Variants in NEK7 observed in about 807,000 individuals in gnomAD.
NEK7 encodes the protein NIMA related kinase 7.
In NEK7, 18 loss-of-function variants were observed where a neutral mutation model predicts 44.6. The ratio of observed to expected loss-of-function variants is 0.40; its 90% CI spans 0.28 to 0.60. The LOEUF (loss-of-function observed/expected upper bound fraction) is 0.60, where lower values mean the gene tolerates loss of function less well. NEK7 is among the 20% of genes least tolerant of loss of function. The probability of loss-of-function intolerance (pLI) is 0.38; values close to 1 mark genes in which losing one functional copy is unlikely to be tolerated. For missense variants in NEK7, 256 were observed against 366.5 expected (o/e 0.70, Z 2.46); for synonymous variants, 130 against 121.1 (o/e 1.07, Z -0.48).
intron 1 of NEK7, among the ~76,000 whole-genome samples, chr1:198,194,061 A>G (rs1018832124): frequency 2.0e-5 from 3 of 152,206 alleles, no homozygotes; most frequent in Non-Finnish European, 4.4e-5. Context: ...TTTTATATCT[A>G]GAAAACCCCA....
chr1:198,242,085 C>T (rs1242314696), intron 2 of NEK7, among the ~76,000 whole-genome samples: 1 of 151,988 alleles, frequency 6.6e-6, no homozygotes, highest in African/African-American at 2.4e-5. Flanking sequence ...CTCTCTCTCC[C>T]TCACTCCTCA....
intron 7 of NEK7, among the ~76,000 whole-genome samples, chr1:198,287,432 G>T (rs1333725177): frequency 6.6e-6 from 1 of 152,016 alleles, no homozygotes; most frequent in Non-Finnish European, 1.5e-5. Context: ...AGCTAGAGAG[G>T]TTCTGTGGAA....
chr1:198,168,551 T>G (rs1188663479), intron 1 of NEK7, among the ~76,000 whole-genome samples: 1 of 152,232 alleles, frequency 6.6e-6, no homozygotes, highest in Non-Finnish European at 1.5e-5. Flanking sequence ...AAAGTCAGTT[T>G]CAAATTGAGG....
chr1:198,169,772 C>T (rs1423770756), intron 1 of NEK7, among the ~76,000 whole-genome samples: 1 of 152,212 alleles, frequency 6.6e-6, no homozygotes, highest in Non-Finnish European at 1.5e-5. Flanking sequence ...CCTCTTTCTT[C>T]TGCTTCTTTA....
intron 8 of NEK7, among the ~76,000 whole-genome samples, chr1:198,296,129 G>T (rs1046194355): frequency 1.3e-5 from 2 of 152,070 alleles, no homozygotes; most frequent in Non-Finnish European, 2.9e-5. Context: ...CCCCACTGAC[G>T]CTCACTGAGT....
rs549002503 is a variant in NEK7 at position 198,230,970 on chromosome 1, A to G, written c.-28-1583A>G. 8.0e-4 allele frequency among the ~76,000 whole-genome samples: 121 copies of G among 152,064 alleles called. 2 individuals are homozygous for G. In the South Asian group the frequency reaches 0.016, roughly 20 times the overall value. On this transcript the variant is annotated intron_variant, in intron 1 of 9. Transcript: ENST00000367385. The stretch of plus-strand genomic sequence containing the variant: ...AAGACCCCATATTATTAAGATGTCA[A>G]TTCTCCCCAAATTGATCTTTAAGGT...
intron 9 of NEK7, among the ~76,000 whole-genome samples, chr1:198,315,306 C>T (rs565210649): frequency 2.0e-4 from 31 of 152,298 alleles, no homozygotes; most frequent in East Asian, 1.4e-3. Context: ...GCGCATGGTG[C>T]GCGCACCCAC....
intron 2 of NEK7, among the ~76,000 whole-genome samples, chr1:198,236,794 C>G (rs899449222): frequency 4.6e-5 from 7 of 152,130 alleles, no homozygotes; most frequent in Admixed American, 3.9e-4. Context: ...TATTACTTCT[C>G]CCATCTAAAC....
intron 1 of NEK7, among the ~76,000 whole-genome samples, chr1:198,168,285 A>G (rs1161140990): frequency 6.6e-6 from 1 of 152,196 alleles, no homozygotes; most frequent in Non-Finnish European, 1.5e-5. Context: ...AATGATTCAG[A>G]TAATATAAGA....
chr1:198,242,079 C>G (rs1183373839), intron 2 of NEK7, among the ~76,000 whole-genome samples: 1 of 151,424 alleles, frequency 6.6e-6, no homozygotes, highest in Non-Finnish European at 1.5e-5. Context: ...TGATTTCTCT[C>G]TCTCCCTCAC....
At chr1:198,161,527 A>G (rs1030703900) in intron 1 of NEK7, among the ~76,000 whole-genome samples, 4 of 152,206 alleles carry the variant, frequency 2.6e-5, no homozygotes, top group African/African-American at 7.2e-5. Flanking sequence ...GGAATTTTCC[A>G]CAACAGCGTT....
At chr1:198,159,875 A>G (rs1055385650) in intron 1 of NEK7, among the ~76,000 whole-genome samples, 5 of 152,232 alleles carry the variant, frequency 3.3e-5, no homozygotes, top group Admixed American at 1.3e-4. Flanking sequence ...TTGCATCGTA[A>G]TGACCAGAAG....
intron 9 of NEK7, among the ~76,000 whole-genome samples, chr1:198,311,892 A>C (rs1158713417): frequency 1.3e-5 from 2 of 152,132 alleles, no homozygotes; most frequent in Non-Finnish European, 2.9e-5. Flanking sequence ...TATTGGTCTA[A>C]AATTCCCTTT....
chr1:198,294,940 GT>G (rs1195767987), intron 8 of NEK7, among the ~76,000 whole-genome samples: 6 of 151,982 alleles, frequency 3.9e-5, no homozygotes, highest in African/African-American at 1.4e-4. Context: ...ATAGCTAACA[GT>G]TTGGCTTTTA....
chr1:198,204,324 G>C (rs1279677136), intron 1 of NEK7, among the ~76,000 whole-genome samples: 1 of 152,094 alleles, frequency 6.6e-6, no homozygotes, highest in East Asian at 1.9e-4. Flanking sequence ...TTTTTGCTGT[G>C]CTGTAATGTT....
chr1:198,181,479 T>A (rs1664766004), intron 1 of NEK7, among the ~76,000 whole-genome samples: 1 of 152,096 alleles, frequency 6.6e-6, no homozygotes, highest in South Asian at 2.1e-4. Flanking sequence ...TGAGACTGGG[T>A]ATCTATCATG....
At chr1:198,315,757 G>A (rs572062882) in intron 9 of NEK7, among the ~76,000 whole-genome samples, 1 of 152,268 alleles carries the variant, frequency 6.6e-6, no homozygotes, top group South Asian at 2.1e-4. Flanking sequence ...TTAAGAAGTT[G>A]GAGGTGCTGT....
chr1:198,198,625 GT>G (rs1665315050), intron 1 of NEK7, among the ~76,000 whole-genome samples: 1 of 152,166 alleles, frequency 6.6e-6, no homozygotes, highest in Non-Finnish European at 1.5e-5. Flanking sequence ...GGTATTCAGG[GT>G]TTTTTGGCAA....
intron 2 of NEK7, among the ~76,000 whole-genome samples, chr1:198,239,240 A>G (rs559842263): frequency 3.5e-4 from 54 of 152,264 alleles, no homozygotes; most frequent in Non-Finnish European, 6.3e-4. Flanking sequence ...TACTTTTAAG[A>G]TGAATTTTAC....
Sources: allele counts gnomAD v4.1 joint callset (sites outside exome capture counted in the v4.1 genomes callset), GRCh38; gene constraint gnomAD v4.1.1; transcripts MANE v1.5; gene names NCBI Gene and HGNC (gene_info 2026-07-23, HGNC 2026-07-21).